The following JPT2 variants were observed in gnomAD, a reference collection of about 807,000 sequenced individuals.
JPT2 encodes Jupiter microtubule associated homolog 2.
JPT2 carries 9 observed loss-of-function variants against 15.9 expected under a neutral mutation model. The ratio of observed to expected loss-of-function variants is 0.57; its 90% CI spans 0.34 to 0.99. JPT2 has a LOEUF of 0.99. Among genes scored for constraint, JPT2 ranks in the 50% least tolerant of loss-of-function variants. The pLI is 0.02. For missense variants in JPT2, 267 were observed against 252.1 expected (o/e 1.06, Z -0.40); for synonymous variants, 95 against 91.7 (o/e 1.04, Z -0.21).
At chr16:1,696,232 A>G (rs1193897553) in intron 3 of JPT2, among the ~76,000 whole-genome samples, 1 of 132,752 alleles carries the variant, frequency 7.5e-6, no homozygotes, top group Non-Finnish European at 1.5e-5. Context: ...CTGTCTCAAA[A>G]AAACAAAAAA....
rs2037057559 is a variant in JPT2, at chr16:1,685,481, A to G, written c.87A>G (p.Gly29=). The change falls in exon 2 of 5, where the codon GGA becomes GGG. Residue 29 remains glycine (G), a synonymous_variant. Transcript: ENST00000248098. The part of the protein sequence containing the change: ...PPGGESSNLF[G]SPEEATPSSR... The stretch of plus-strand genomic sequence containing the variant: ...GAGGAGAATCGAGCAATCTTTTTGG[A>G]AGTCCAGAAGAAGCTACTCCTTCCA... 1.2e-6 allele frequency: 2 copies of G among 1,614,146 alleles called. No homozygotes were observed. Among genetic ancestry groups the G allele is most frequent in the Non-Finnish European group, 1.7e-6 (2 of 1,180,026 alleles).
intron 3 of JPT2, 134 bp downstream of exon 3, chr16:1,692,119 C>A: frequency 8.6e-7 from 1 of 1,167,918 alleles, no homozygotes; most frequent in Non-Finnish European, 1.2e-6. Context: ...TGGATGCAAG[C>A]ATTAGTCATC....
At position 1,700,323 on chromosome 16, in the gene JPT2, TCC is replaced by T; in HGVS notation, c.*1329_*1330del. ...ATCTTCAGGCAGAAGCCTCTGCCCA[TCC>T]CCCTCAAGGGCTGCAGGCCCAGTTC... is the stretch of plus-strand genomic sequence containing the variant. On this transcript the variant is annotated 3_prime_UTR_variant, in exon 5 of 5. Coordinates refer to ENST00000248098, the MANE Select transcript of JPT2 (RefSeq NM_144570.3). 1 of 359,730 alleles carries T rather than the reference TCC, an allele frequency of 2.8e-6. No homozygotes were observed. Among genetic ancestry groups the T allele is most frequent in the Admixed American group, 3.0e-5 (1 of 33,112 alleles). The allele number at this position is 359,730 out of a possible 1,614,324, so 22.3% of individuals were successfully genotyped here. A position where few individuals can be genotyped will look rare whatever the true frequency, so the allele number is the denominator to read the frequency against.
chr16:1,684,924 AAAG>A (rs892360040), intron 1 of JPT2, among the ~76,000 whole-genome samples: 1 of 151,224 alleles, frequency 6.6e-6, no homozygotes, highest in Non-Finnish European at 1.5e-5. Context: ...AAAAAAAAAA[AAAG>A]AATACTTTTA....
intron 3 of JPT2, among the ~76,000 whole-genome samples, chr16:1,695,263 G>T (rs1027409290): frequency 6.6e-6 from 1 of 152,084 alleles, no homozygotes; most frequent in Non-Finnish European, 1.5e-5. Flanking sequence ...AAATTAGCCG[G>T]GCCTGGTGGC....
At chr16:1,685,836 G>A (rs534496423) in intron 2 of JPT2, 203 of 314,004 alleles carry the variant, frequency 6.5e-4, no homozygotes, top group Non-Finnish European at 9.8e-4. Context: ...AAAAGTGGAC[G>A]GGGGCTTCTG....
chr16:1,678,377 G>C (rs1407272651), intron 1 of JPT2, 21 bp downstream of exon 1: 6 of 1,228,640 alleles, frequency 4.9e-6, no homozygotes, highest in Non-Finnish European at 6.1e-6. Context: ...GGGCACACGG[G>C]AGGCGGGCGG....
intron 1 of JPT2, among the ~76,000 whole-genome samples, chr16:1,681,948 T>C (rs1299784683): frequency 2.0e-5 from 3 of 152,230 alleles, no homozygotes; most frequent in Non-Finnish European, 4.4e-5. Flanking sequence ...AAAGGAATTA[T>C]AGCTCATGCT....
intron 3 of JPT2, among the ~76,000 whole-genome samples, chr16:1,697,371 G>A (rs887690922): frequency 2.6e-5 from 4 of 152,196 alleles, no homozygotes; most frequent in African/African-American, 4.8e-5. Context: ...AAATTAGCCA[G>A]GTGTGGTGGC....
chr16:1,688,961 A>G (rs1226795418), intron 2 of JPT2: 2 of 152,208 alleles, frequency 1.3e-5, no homozygotes, highest in Non-Finnish European at 2.9e-5. Context: ...CGTGGTAAAA[A>G]TGTTTGTGGT....
At chr16:1,697,889 T>C (rs1260664712) in intron 4 of JPT2, 29 bp downstream of exon 4, 1 of 1,600,038 alleles carries the variant, frequency 6.2e-7, no homozygotes, top group Admixed American at 1.7e-5. Flanking sequence ...TCCCTTCTCC[T>C]GAGTGGCCTC....
chr16:1,687,631 T>A (rs1407573755), intron 2 of JPT2, among the ~76,000 whole-genome samples: 2 of 152,170 alleles, frequency 1.3e-5, no homozygotes, highest in African/African-American at 2.4e-5. Flanking sequence ...CCCGGCCCCT[T>A]GCGGTTAGTG....
chr16:1,683,337 C>T (rs2037039320), intron 1 of JPT2, among the ~76,000 whole-genome samples: 2 of 151,734 alleles, frequency 1.3e-5, no homozygotes, highest in South Asian at 4.2e-4. Context: ...TCTCGAACTC[C>T]TGGGCTCAAA....
chr16:1,679,283 T>C (rs752813020), intron 1 of JPT2, among the ~76,000 whole-genome samples: 1 of 152,260 alleles, frequency 6.6e-6, no homozygotes, highest in Admixed American at 6.5e-5. Flanking sequence ...ATGTGTGCCA[T>C]GACTGTTAAG....
chr16:1,683,671 T>C, intron 1 of JPT2: 3 of 982,156 alleles, frequency 3.1e-6, no homozygotes, highest in Non-Finnish European at 4.6e-6. Context: ...AAGCACTCTC[T>C]GCCTTCCTGC....
In JPT2 at chr16:1,700,428, A is replaced by G. The variant is rs914579448; in HGVS notation, c.*1430A>G. On this transcript the variant is annotated 3_prime_UTR_variant, in exon 5 of 5. Coordinates refer to ENST00000248098, the MANE Select transcript of JPT2 (RefSeq NM_144570.3). ...GGCAGCAGCTTTGCTCTGAGTGCCTACAAAGCTAATGCTTGGTGCTAGAAA... is the reference window on the plus strand; with the variant it reads ...GGCAGCAGCTTTGCTCTGAGTGCCTGCAAAGCTAATGCTTGGTGCTAGAAA... 1.2e-4 allele frequency: 30 copies of G among 255,398 alleles called. No individual in the cohort carries two copies. In the East Asian group the frequency reaches 2.1e-3, roughly 18 times the overall value. The allele number at this position is 255,398 out of a possible 1,614,324, so 15.8% of individuals were successfully genotyped here.
chr16:1,683,416 T>G (rs2037040116), intron 1 of JPT2: 73 of 739,374 alleles, frequency 9.9e-5, no homozygotes, highest in Middle Eastern at 2.5e-4. Context: ...CGGACAGCCC[T>G]TTCTCATTTA....
intron 3 of JPT2, among the ~76,000 whole-genome samples, chr16:1,696,602 A>G (rs1297845445): frequency 6.6e-6 from 1 of 152,230 alleles, no homozygotes; most frequent in African/African-American, 2.4e-5. Context: ...GTTACTATCC[A>G]GAATACATAA....
chr16:1,680,882 A>C (rs2037017381), intron 1 of JPT2, among the ~76,000 whole-genome samples: 1 of 152,130 alleles, frequency 6.6e-6, no homozygotes, highest in Admixed American at 6.5e-5. Flanking sequence ...AAACTATTAG[A>C]GAGGGTCAGG....
Sources: gnomAD v4.1 joint callset for allele counts (sites outside exome capture counted in the v4.1 genomes callset) on GRCh38, gnomAD v4.1.1 for gene constraint, MANE v1.5 for transcripts, NCBI Gene and HGNC (gene_info 2026-07-23, HGNC 2026-07-21) for gene names.